Variants in CLPSL2 observed in about 807,000 individuals in gnomAD.
The protein encoded by CLPSL2 is colipase like 2.
In CLPSL2, 4 loss-of-function variants were observed where a neutral mutation model predicts 7.9. The observed-to-expected ratio is 0.50, with a 90% CI of 0.25 to 1.15. CLPSL2 has a LOEUF of 1.15. Among genes scored for constraint, CLPSL2 ranks in the 50% most tolerant of loss-of-function variants. The probability of loss-of-function intolerance (pLI) is 0.15; values close to 1 mark genes in which losing one functional copy is unlikely to be tolerated. For synonymous variants in CLPSL2, 67 were observed against 53.1 expected, an observed-to-expected ratio of 1.26 and a Z score of -1.14; for missense variants, 132 against 136.6, an observed-to-expected ratio of 0.97 and a Z score of 0.17.
At chr6:35,777,624 G>T (rs1339118975) in intron 2 of CLPSL2, 43 bp downstream of exon 2, 3 of 1,564,322 alleles carry the variant, frequency 1.9e-6, no homozygotes, top group Admixed American at 2.0e-5. Flanking sequence ...GTAGAGAAGC[G>T]GGCAGGGAGG....
chr6:35,776,616 C>T lies in CLPSL2; in HGVS notation c.-3C>T. 6.7e-7 allele frequency: 1 copy of T among 1,500,980 alleles called. No individual in the cohort carries two copies. Among genetic ancestry groups the T allele is most frequent in the South Asian group, 1.2e-5 (1 of 81,174 alleles). 93.0% of individuals were successfully genotyped at this position (1,500,980 alleles called of 1,614,324 possible). On this transcript the variant is annotated 5_prime_UTR_variant, in exon 1 of 3. Transcript: ENST00000403376. Reference sequence around the variant, plus strand: ...CCCCGCCGCTGCTCTGCCGCCCAGGCCCATGGCCGCAGCCCTGGCGCTCGT... The same window carrying T: ...CCCCGCCGCTGCTCTGCCGCCCAGGTCCATGGCCGCAGCCCTGGCGCTCGT...
chr6:35,777,816 C>T, intron 2 of CLPSL2: 1 of 717,594 alleles, frequency 1.4e-6, no homozygotes, highest in Non-Finnish European at 2.6e-6. Context: ...CATGTATCTC[C>T]CTAACTGGCC....
chr6:35,777,717 C>A, intron 2 of CLPSL2, 136 bp downstream of exon 2: 1 of 1,043,488 alleles, frequency 9.6e-7, no homozygotes, highest in Non-Finnish European at 1.4e-6. Context: ...CAAACTCCTA[C>A]TCATGGTGCA....
chr6:35,776,612 C>A lies in CLPSL2; in HGVS notation c.-7C>A, dbSNP rs1413551699. ...GGAACCCCGCCGCTGCTCTGCCGCCCAGGCCCATGGCCGCAGCCCTGGCGC... is the reference window on the plus strand; with the variant it reads ...GGAACCCCGCCGCTGCTCTGCCGCCAAGGCCCATGGCCGCAGCCCTGGCGC... On this transcript the variant is annotated 5_prime_UTR_variant, in exon 1 of 3. Coordinates refer to ENST00000403376, the MANE Select transcript of CLPSL2 (RefSeq NM_207409.4). 5 of 1,500,740 alleles carry A rather than the reference C, an allele frequency of 3.3e-6. No individual in the cohort carries two copies. The highest frequency in any genetic ancestry group is 3.5e-6 in the Non-Finnish European group (4 of 1,132,084). 93.0% of individuals were successfully genotyped at this position (1,500,740 alleles called of 1,614,324 possible).
At position 35,776,663 on chromosome 6, in the gene CLPSL2, G is replaced by T. The variant is rs1260230956; in HGVS notation, c.45G>T (p.Ala15=). The part of the protein sequence containing the change: ...LALVAGVLSG[A]VLPLWSALPQ... The stretch of plus-strand genomic sequence containing the variant: ...TCGTGGCGGGGGTCCTGTCGGGGGC[G>T]GTGCTGCCCCTCTGGAGCGCGCTTC... The change falls in exon 1 of 3, where the codon GCG becomes GCT. Residue 15 remains alanine, a synonymous_variant. Coordinates refer to ENST00000403376, the MANE Select transcript of CLPSL2 (RefSeq NM_207409.4). 4 of 1,486,116 alleles carry T rather than the reference G, an allele frequency of 2.7e-6. No individual in the cohort carries two copies. The African/African-American group carries it at 4.4e-5, about 16-fold the overall frequency. 92.1% of individuals were successfully genotyped at this position (1,486,116 alleles called of 1,614,324 possible).
rs1267289402 is a variant in CLPSL2 at position 35,779,386 on chromosome 6, G to T, written c.239G>T (p.Cys80Phe). Residue 80 changes from cysteine (C) to phenylalanine (F), a missense_variant, in exon 3 of 3, where the codon TGC becomes TTC. Coordinates refer to ENST00000403376, the MANE Select transcript of CLPSL2 (RefSeq NM_207409.4). ...TKGATNIICP[C>F]RMGLTCISKD... The stretch of plus-strand genomic sequence containing the variant: ...GGAGCTACCAACATCATCTGCCCTT[G>T]CCGGATGGGCTTGACGTGCATATCC... 6.3e-6 allele frequency: 10 copies of T among 1,584,000 alleles called. No homozygotes were observed. The East Asian group carries it at 1.1e-4, about 18-fold the overall frequency.
intron 2 of CLPSL2, 24 bp from the exon 3 acceptor site, chr6:35,779,331 G>A (rs6910332): frequency 0.31 from 466,936 of 1,526,984 alleles, 72,415 homozygotes; most frequent in Middle Eastern, 0.33. Flanking sequence ...GGTGACTCCC[G>A]ATTCTCATAC....
chr6:35,779,178 A>C (rs1767910246), intron 2 of CLPSL2, among the ~76,000 whole-genome samples, 177 bp from the exon 3 acceptor site: 1 of 152,132 alleles, frequency 6.6e-6, no homozygotes, highest in South Asian at 2.1e-4. Flanking sequence ...ACAGATGAGG[A>C]AACCGAGCTG....
At chr6:35,777,310 G>T (rs370710283) in intron 1 of CLPSL2, 149 bp from the exon 2 acceptor site, 10 of 687,272 alleles carry the variant, frequency 1.5e-5, no homozygotes, top group Middle Eastern at 8.2e-4. Context: ...GGGTGGGGCT[G>T]GGGGGGGAAC....
chr6:35,776,809 G>A (rs1304285869), intron 1 of CLPSL2, 107 bp downstream of exon 1: 2 of 1,025,418 alleles, frequency 2.0e-6, no homozygotes, highest in African/African-American at 1.7e-5. Context: ...GGAGAGGTGG[G>A]TCCGGAACCA....
In CLPSL2 at chr6:35,779,343, C is replaced by T. The variant is rs1264677948; in HGVS notation, c.208-12C>T. ...CCTGGTGACTCCCGATTCTCATACC[C>T]ACTCCCTGCAGACCAAGGGAGCTAC... is the stretch of plus-strand genomic sequence containing the variant. On this transcript the variant is annotated splice_polypyrimidine_tract_variant and intron_variant, in intron 2 of 2. Transcript: ENST00000403376. 5.2e-6 allele frequency: 8 copies of T among 1,544,932 alleles called. No homozygotes were observed. Among genetic ancestry groups the T allele is most frequent in the Non-Finnish European group, 7.0e-6 (8 of 1,137,916 alleles).
chr6:35,776,810 T>A, intron 1 of CLPSL2, 108 bp downstream of exon 1: 1 of 1,017,516 alleles, frequency 9.8e-7, no homozygotes, highest in Non-Finnish European at 1.3e-6. Flanking sequence ...GAGAGGTGGG[T>A]CCGGAACCAC....
rs1282167388 is a variant in CLPSL2 at position 35,776,635 on chromosome 6, C to T, written c.17C>T (p.Ala6Val). Reference sequence around the variant, plus strand: ...CCCAGGCCCATGGCCGCAGCCCTGGCGCTCGTGGCGGGGGTCCTGTCGGGG... The same window carrying T: ...CCCAGGCCCATGGCCGCAGCCCTGGTGCTCGTGGCGGGGGTCCTGTCGGGG... MAAALALVAGVLSGAV... is the reference protein window; with the variant it reads MAAALVLVAGVLSGAV... The change falls in exon 1 of 3, where the codon GCG (alanine) becomes GTG (valine). Residue 6 changes from alanine to valine, a missense_variant. Transcript: ENST00000403376. 1.3e-6 allele frequency: 2 copies of T among 1,497,938 alleles called. No homozygotes were observed. The highest frequency in any genetic ancestry group is 1.8e-6 in the Non-Finnish European group (2 of 1,131,094). 92.8% of individuals were successfully genotyped at this position (1,497,938 alleles called of 1,614,324 possible).
At chr6:35,779,071 C>T (rs1223013688) in intron 2 of CLPSL2, among the ~76,000 whole-genome samples, 2 of 152,166 alleles carry the variant, frequency 1.3e-5, no homozygotes, top group Non-Finnish European at 2.9e-5. Context: ...CGCGCATGGC[C>T]TAAAGGGTCT....
At position 35,777,845 on chromosome 6, in the gene CLPSL2, TC is replaced by T. The variant is rs547068809; in HGVS notation, c.207+267del. On this transcript the variant is annotated intron_variant, in intron 2 of 2. Coordinates refer to ENST00000403376, the MANE Select transcript of CLPSL2 (RefSeq NM_207409.4). ...ACTGGCCATGTCTTTTCTCTGCCTC[TC>T]CCAGTGGTTGGAACTCTTCAAGGGC... The T allele has an allele frequency of 7.7e-4, 552 of 717,718 alleles. 2 individuals carry two copies. The highest frequency in any genetic ancestry group is 7.5e-3 in the African/African-American group (431 of 57,344). 44.5% of individuals were successfully genotyped at this position (717,718 alleles called of 1,614,324 possible).
chr6:35,777,148 AT>A (rs1200070870), intron 1 of CLPSL2, among the ~76,000 whole-genome samples: 1 of 150,698 alleles, frequency 6.6e-6, no homozygotes, highest in Non-Finnish European at 1.5e-5. Context: ...CTTCATTCTC[AT>A]CCCCCAACCC....
At chr6:35,777,343 C>T (rs1767858383) in intron 1 of CLPSL2, 116 bp from the exon 2 acceptor site, 4 of 1,238,154 alleles carry the variant, frequency 3.2e-6, no homozygotes, top group African/African-American at 1.5e-5. Context: ...GGGTGACAAC[C>T]TCATGACTTC....
Position 35,776,623 on chromosome 6 carries a change from C to T in CLPSL2, c.5C>T (p.Ala2Val). 1 of 1,500,692 alleles carries T rather than the reference C, an allele frequency of 6.7e-7. No homozygotes were observed. The highest frequency in any genetic ancestry group is 1.2e-5 in the South Asian group (1 of 81,122). The allele number at this position is 1,500,692 out of a possible 1,614,324, so 93.0% of individuals were successfully genotyped here. MAAALALVAGVL... is the reference protein window; with the variant it reads MVAALALVAGVL... Reference sequence around the variant, plus strand: ...GCTGCTCTGCCGCCCAGGCCCATGGCCGCAGCCCTGGCGCTCGTGGCGGGG... The same window carrying T: ...GCTGCTCTGCCGCCCAGGCCCATGGTCGCAGCCCTGGCGCTCGTGGCGGGG... Residue 2 changes from alanine to valine, a missense_variant, in exon 1 of 3, where the codon GCC (alanine) becomes GTC (valine). By Grantham distance (64) the Ala-to-Val change is moderately conservative. Transcript: ENST00000403376.
intron 1 of CLPSL2, 127 bp downstream of exon 1, chr6:35,776,829 G>A (rs1287616950): frequency 9.3e-6 from 7 of 752,684 alleles, no homozygotes; most frequent in African/African-American, 5.5e-5. Context: ...ACACCCAGGC[G>A]GGTAGCCTGG....
Sources: gnomAD v4.1 joint callset for allele counts (sites outside exome capture counted in the v4.1 genomes callset) on GRCh38, gnomAD v4.1.1 for gene constraint, MANE v1.5 for transcripts, NCBI Gene and HGNC (gene_info 2026-07-23, HGNC 2026-07-21) for gene names.